PARD3: variants seen among roughly 807,000 people sequenced by gnomAD.
PARD3 encodes the protein partitioning defective 3 homolog.
PARD3 carries 75 observed loss-of-function variants against 155.4 expected under a neutral mutation model. That is an observed-to-expected ratio of 0.48 (90% CI 0.40 to 0.58). The LOEUF is 0.58. Ranked by LOEUF, PARD3 falls within the 20% of genes least tolerant of loss-of-function variation. The probability of loss-of-function intolerance (pLI) is 0.00; values close to 1 mark genes in which losing one functional copy is unlikely to be tolerated. For missense variants in PARD3, 1,642 were observed against 1,721.7 expected, an observed-to-expected ratio of 0.95 and a Z score of 0.82; for synonymous variants, 576 against 610.5, an observed-to-expected ratio of 0.94 and a Z score of 0.83.
At chr10:34,744,821 G>A (rs1835104680) in intron 1 of PARD3, among the ~76,000 whole-genome samples, 1 of 152,200 alleles carries the variant, frequency 6.6e-6, no homozygotes, top group South Asian at 2.1e-4. Context: ...AGACTCATCT[G>A]AGTGTCCTGT....
intron 2 of PARD3, among the ~76,000 whole-genome samples, chr10:34,539,344 A>T (rs978129867): frequency 6.6e-6 from 1 of 152,216 alleles, no homozygotes; most frequent in Non-Finnish European, 1.5e-5. Context: ...ATAAACTTAC[A>T]GTTAAATAAA....
Position 34,260,294 on chromosome 10 carries a change from A to C in PARD3, c.3419+9363T>G, listed in dbSNP as rs559542088. Among the ~76,000 whole-genome samples, 5 of 152,358 alleles carry C rather than the reference A, an allele frequency of 3.3e-5. No homozygotes were observed. In the South Asian group the frequency reaches 8.3e-4, roughly 25 times the overall value. The stretch of plus-strand genomic sequence containing the variant: ...CTGGCCAATTTTTTTCTTTTTAAAC[A>C]GTATGGTAGACATTAACATGTTTAC... On this transcript the variant is annotated intron_variant, in intron 22 of 24. Coordinates refer to ENST00000374788, the MANE Select transcript of PARD3 (RefSeq NM_001184785.2).
chr10:34,562,919 G>A (rs1200757535), intron 2 of PARD3, among the ~76,000 whole-genome samples: 4 of 151,914 alleles, frequency 2.6e-5, no homozygotes, highest in Non-Finnish European at 5.9e-5. Context: ...CTACAGGCAT[G>A]TGTCACCACG....
chr10:34,281,683 T>C (rs1337127871), intron 21 of PARD3, among the ~76,000 whole-genome samples: 1 of 152,138 alleles, frequency 6.6e-6, no homozygotes, highest in Non-Finnish European at 1.5e-5. Flanking sequence ...GATCTTAACA[T>C]TGAAGAAAAA....
chr10:34,484,107 C>T (rs1457059571), intron 3 of PARD3, among the ~76,000 whole-genome samples: 2 of 152,168 alleles, frequency 1.3e-5, no homozygotes. Context: ...AAACATGGCA[C>T]CAAATAGCCC....
At chr10:34,314,936 C>G (rs1392317221) in intron 20 of PARD3, among the ~76,000 whole-genome samples, 1 of 152,136 alleles carries the variant, frequency 6.6e-6, no homozygotes, top group East Asian at 1.9e-4. Context: ...CCAAGGTGGG[C>G]TGATTCCAAT....
intron 22 of PARD3, among the ~76,000 whole-genome samples, chr10:34,179,007 C>T (rs541217324): frequency 3.9e-5 from 6 of 152,214 alleles, no homozygotes; most frequent in South Asian, 2.1e-4. Flanking sequence ...ACACACTGAC[C>T]CTGCCCCAAA....
At chr10:34,409,720 T>G (rs566355496) in intron 5 of PARD3, among the ~76,000 whole-genome samples, 1 of 152,312 alleles carries the variant, frequency 6.6e-6, no homozygotes, top group Non-Finnish European at 1.5e-5. Flanking sequence ...CAATCTCTTT[T>G]CAGAAGTGGC....
intron 1 of PARD3, among the ~76,000 whole-genome samples, chr10:34,722,924 G>A (rs1431329967): frequency 6.6e-6 from 1 of 152,150 alleles, no homozygotes; most frequent in African/African-American, 2.4e-5. Flanking sequence ...CGAGGGTACA[G>A]AAGAAACAAG....
At chr10:34,227,373 C>T (rs772120734) in intron 22 of PARD3, among the ~76,000 whole-genome samples, 27 of 152,316 alleles carry the variant, frequency 1.8e-4, no homozygotes, top group South Asian at 2.1e-4. Context: ...CTGTGGCTCA[C>T]GCCTGTAATC....
Position 34,226,441 on chromosome 10 carries a change from T to C in PARD3, c.3419+43216A>G, listed in dbSNP as rs151141815. Among the ~76,000 whole-genome samples, 383 of 152,254 alleles carry C rather than the reference T, an allele frequency of 2.5e-3. 10 individuals are homozygous for C. The East Asian group carries it at 0.064, about 25-fold the overall frequency. ...GGCACATGCCGGTAATCCCAGCTAT[T>C]TGGGAGGCTGAGGCAAGAGAACTGC... On this transcript the variant is annotated intron_variant, in intron 22 of 24. Transcript: ENST00000374788.
At chr10:34,312,391 G>C (rs1035810994) in intron 20 of PARD3, 2 of 1,612,434 alleles carry the variant, frequency 1.2e-6, no homozygotes, top group Non-Finnish European at 1.7e-6. Context: ...GGCTAAATGA[G>C]AGACACGGTA....
chr10:34,433,287 A>C (rs1196228385), intron 5 of PARD3, among the ~76,000 whole-genome samples: 1 of 152,194 alleles, frequency 6.6e-6, no homozygotes, highest in Non-Finnish European at 1.5e-5. Context: ...CACAGAAAAT[A>C]CACCAAGTCA....
At chr10:34,696,216 A>T in intron 2 of PARD3, 102 bp downstream of exon 2, 1 of 680,742 alleles carries the variant, frequency 1.5e-6, no homozygotes, top group Non-Finnish European at 2.6e-6. Context: ...CACATAATTT[A>T]AAGTATGTGT....
At chr10:34,659,588 G>T (rs1455285008) in intron 2 of PARD3, among the ~76,000 whole-genome samples, 3 of 152,066 alleles carry the variant, frequency 2.0e-5, no homozygotes, top group Admixed American at 6.6e-5. Context: ...ATGAATAAAG[G>T]TGTATGAATT....
At chr10:34,359,026 CA>C (rs1374093674) in intron 14 of PARD3, 120 bp downstream of exon 14, 2 of 663,352 alleles carry the variant, frequency 3.0e-6, no homozygotes, top group Admixed American at 2.7e-5. Flanking sequence ...CTACAATAAG[CA>C]AAGATAATTT....
chr10:34,703,014 T>C (rs928268993), intron 1 of PARD3, among the ~76,000 whole-genome samples: 1 of 151,958 alleles, frequency 6.6e-6, no homozygotes, highest in Non-Finnish European at 1.5e-5. Context: ...CAGAGGAATA[T>C]GAGAAGGGAG....
intron 14 of PARD3, among the ~76,000 whole-genome samples, chr10:34,355,356 T>TTAG (rs1838685461): frequency 6.6e-6 from 1 of 151,672 alleles, no homozygotes. Flanking sequence ...AAGAGGGAAA[T>TTAG]TCTAGAGGTA....
At chr10:34,162,928 G>A (rs1477584626) in intron 22 of PARD3, among the ~76,000 whole-genome samples, 5 of 152,022 alleles carry the variant, frequency 3.3e-5, no homozygotes, top group Non-Finnish European at 5.9e-5. Flanking sequence ...ACCACCACAC[G>A]GGAATCTGAA....
Sources: gnomAD v4.1 joint callset for allele counts (sites outside exome capture counted in the v4.1 genomes callset) on GRCh38, gnomAD v4.1.1 for gene constraint, MANE v1.5 for transcripts, NCBI Gene and HGNC (gene_info 2026-07-23, HGNC 2026-07-21) for gene names.